Variants in LTBR observed in about 807,000 individuals in gnomAD.
LTBR encodes tumor necrosis factor receptor superfamily member 3.
Under a neutral mutation model 45.4 loss-of-function variants are expected in LTBR, and 15 were observed. The ratio of observed to expected loss-of-function variants is 0.33; its 90% CI spans 0.22 to 0.51. The LOEUF (loss-of-function observed/expected upper bound fraction) is 0.51. Ranked by LOEUF, LTBR falls within the 20% of genes least tolerant of loss-of-function variation. LTBR has a pLI of 0.97. For missense variants in LTBR, 450 were observed against 565.5 expected, an observed-to-expected ratio of 0.80 and a Z score of 2.07; for synonymous variants, 228 against 231.0, an observed-to-expected ratio of 0.99 and a Z score of 0.12.
chr12:6,386,377 T>C lies in LTBR; in HGVS notation c.600T>C (p.Ala200=). ...AGAACCAAGGTCTGGTGGAGGCAGC[T>C]CCAGGCACTGCCCAGTCCGACACAA... ...RCENQGLVEA[A]PGTAQSDTTC... Residue 200 remains alanine (A), a synonymous_variant, in exon 6 of 10, where the codon GCT becomes GCC. Coordinates refer to ENST00000228918, the MANE Select transcript of LTBR (RefSeq NM_002342.3). The surrounding 1 kb of genome is among the most constrained non-coding windows in gnomAD (Gnocchi z 4.1). The C allele has an allele frequency of 1.2e-6, 2 of 1,613,404 alleles. No homozygotes were observed. The highest frequency in any genetic ancestry group is 1.7e-6 in the Non-Finnish European group (2 of 1,179,854).
rs552679804 is a variant in LTBR, at chr12:6,378,302, C to T, written c.39+2708C>T. Among the ~76,000 whole-genome samples the T allele has an allele frequency of 2.0e-5, 3 of 152,156 alleles. No homozygotes were observed. In the South Asian group the frequency reaches 6.2e-4, roughly 32 times the overall value. ...TTTTTGCTTTTATTTTCTTATTTATCTTAGAGACAGGATCATGCACTATCC... is the reference window on the plus strand; with the variant it reads ...TTTTTGCTTTTATTTTCTTATTTATTTTAGAGACAGGATCATGCACTATCC... On this transcript the variant is annotated intron_variant, in intron 1 of 9. Transcript: ENST00000539925.
chr12:6,388,340 C>T lies in LTBR; in HGVS notation c.668-58C>T, dbSNP rs530093569. The T allele has an allele frequency of 3.8e-5, 50 of 1,299,260 alleles. No individual in the cohort carries two copies. The highest frequency in any genetic ancestry group is 5.1e-5 in the Non-Finnish European group (46 of 897,028). The allele number at this position is 1,299,260 out of a possible 1,614,324, so 80.5% of individuals were successfully genotyped here. A position where few individuals can be genotyped will look rare whatever the true frequency, so the allele number is the denominator to read the frequency against. On this transcript the variant is annotated intron_variant, in intron 6 of 9. Transcript: ENST00000228918. This position sits in a 1 kb window ranked among gnomAD's most constrained non-coding sequence, Gnocchi z 4.3. ...GGGATCTGGAAAGCTCTTCCTTCTC[C>T]TCCTCCCCTCTGCCCTTCTTGGGGC...
At chr12:6,381,850 G>A (rs560805527), upstream of LTBR, among the ~76,000 whole-genome samples, 4 of 152,300 alleles carry the variant, frequency 2.6e-5, no homozygotes, top group South Asian at 2.1e-4. Context: ...GCAGGCGCCC[G>A]TAATCCCAGC....
upstream of LTBR, chr12:6,384,026 C>T (rs1247891369): frequency 8.5e-7 from 1 of 1,182,098 alleles, no homozygotes; most frequent in Non-Finnish European, 1.0e-6. Context: ...CCCCGCGGCC[C>T]TCACGTGCTT....
upstream of LTBR, among the ~76,000 whole-genome samples, chr12:6,381,363 GGAGA>G (rs1342854575): frequency 6.6e-6 from 1 of 152,212 alleles, no homozygotes; most frequent in Admixed American, 6.5e-5. Context: ...AAAGCAGAGA[GGAGA>G]GAAATAGCCT....
At chr12:6,384,008 G>C (rs1461725645), upstream of LTBR, 7 of 1,153,508 alleles carry the variant, frequency 6.1e-6, no homozygotes, top group Non-Finnish European at 7.5e-6. Context: ...GGAGGAGGCC[G>C]GTTCCGGCCC....
In LTBR at chr12:6,377,779, C is replaced by T. The variant is rs575417481; in HGVS notation, c.39+2185C>T. On this transcript the variant is annotated intron_variant, in intron 1 of 9. Coordinates refer to the LTBR transcript ENST00000539925. The stretch of plus-strand genomic sequence containing the variant: ...TATTTGCCAGCTCATGCCTGAAATC[C>T]AACCACTAGCTTAAGGCAGCATGGC... The T allele has an allele frequency of 2.9e-4, 194 of 671,688 alleles. No homozygotes were observed. In the African/African-American group the frequency reaches 3.1e-3, roughly 11 times the overall value. 41.6% of individuals were successfully genotyped at this position (671,688 alleles called of 1,614,324 possible). A position where few individuals can be genotyped will look rare whatever the true frequency, so the allele number is the denominator to read the frequency against.
At chr12:6,380,345 G>A (rs556284336), upstream of LTBR, among the ~76,000 whole-genome samples, 22 of 152,316 alleles carry the variant, frequency 1.4e-4, no homozygotes, top group African/African-American at 5.1e-4. Flanking sequence ...AGTCAGCTAA[G>A]AGCAGAGTGG....
upstream of LTBR, among the ~76,000 whole-genome samples, chr12:6,383,588 C>T (rs891813275): frequency 6.6e-6 from 1 of 152,182 alleles, no homozygotes; most frequent in African/African-American, 2.4e-5. Flanking sequence ...GGGCAAGCTG[C>T]ACAGCTCTCA....
upstream of LTBR, among the ~76,000 whole-genome samples, chr12:6,382,082 T>G (rs969304173): frequency 1.2e-4 from 7 of 60,266 alleles, no homozygotes; most frequent in Admixed American, 1.0e-3. Flanking sequence ...AAGATCAGTG[T>G]ACCTTACGGT....
upstream of LTBR, among the ~76,000 whole-genome samples, chr12:6,382,225 A>G (rs1190522615): frequency 2.0e-5 from 3 of 152,326 alleles, no homozygotes; most frequent in African/African-American, 7.2e-5. Flanking sequence ...AATATTTTCA[A>G]ATGAAATGAT....
Position 6,384,346 on chromosome 12 carries a change from C to A in LTBR, c.-13C>A. On this transcript the variant is annotated 5_prime_UTR_variant, in exon 1 of 10. Transcript: ENST00000228918. The stretch of plus-strand genomic sequence containing the variant: ...GGCCCCCACGTTGCTGGCCGCCTGG[C>A]CGAGTGGCCGCCATGCTCCTGCCTT... The A allele has an allele frequency of 6.7e-7, 1 of 1,483,946 alleles. No individual in the cohort carries two copies. The allele number at this position is 1,483,946 out of a possible 1,614,324, so 91.9% of individuals were successfully genotyped here.
At chr12:6,385,928 C>G in intron 4 of LTBR, 138 bp from the exon 5 acceptor site, 1 of 569,428 alleles carries the variant, frequency 1.8e-6, no homozygotes, top group Non-Finnish European at 3.1e-6. Context: ...AAAAAGGCAG[C>G]AAAGCAGAGC....
upstream of LTBR, among the ~76,000 whole-genome samples, chr12:6,383,173 A>G (rs887342614): frequency 1.3e-5 from 2 of 152,166 alleles, no homozygotes; most frequent in African/African-American, 4.8e-5. Flanking sequence ...GTTGCCTTCC[A>G]GAGCCTCAGT....
At chr12:6,379,619 A>T (rs1948958400), upstream of LTBR, among the ~76,000 whole-genome samples, 1 of 152,170 alleles carries the variant, frequency 6.6e-6, no homozygotes, top group Non-Finnish European at 1.5e-5. Flanking sequence ...GTCCCCTGGC[A>T]GTTTACTTAG....
chr12:6,380,529 C>T (rs557824712), upstream of LTBR, among the ~76,000 whole-genome samples: 1 of 152,036 alleles, frequency 6.6e-6, no homozygotes, highest in African/African-American at 2.4e-5. Flanking sequence ...ACTAAAAATA[C>T]AAAAATTAGC....
chr12:6,387,830 C>G (rs1949066456), intron 6 of LTBR: 1 of 454,940 alleles, frequency 2.2e-6, no homozygotes, highest in Non-Finnish European at 4.4e-6. Context: ...GGAGAACTTG[C>G]AAGCCCTGCT....
rs10849447 is a variant in LTBR, at chr12:6,375,543, T to C, written c.-13T>C. ...CGGCCTGGCTGGGGAGCCCGCCCGC[T>C]GGCCGGCCAGGGATGGAAGCGACAG... On this transcript the variant is annotated 5_prime_UTR_variant, in exon 1 of 10. Coordinates refer to the LTBR transcript ENST00000539925. The C allele has an allele frequency of 0.57, 869,885 of 1,533,478 alleles. 256,433 individuals carry two copies. Among genetic ancestry groups the C allele is most frequent in the African/African-American group, 0.91 (66,684 of 73,000 alleles). The allele number at this position is 1,533,478 out of a possible 1,614,324, so 95.0% of individuals were successfully genotyped here. A position where few individuals can be genotyped will look rare whatever the true frequency, so the allele number is the denominator to read the frequency against.
rs745999849 is a variant in LTBR at position 6,385,224 on chromosome 12, C to T, written c.320-3C>T. On this transcript the variant is annotated splice_polypyrimidine_tract_variant and splice_region_variant and intron_variant, in intron 3 of 9. Transcript: ENST00000228918. ...TCCCTGAGCCCTCCCGTCTCCCCGC[C>T]AGTGATGGGCCTCGAGGAGATTGCC... is the stretch of plus-strand genomic sequence containing the variant. 4 of 1,614,052 alleles carry T rather than the reference C, an allele frequency of 2.5e-6. No individual in the cohort carries two copies. The highest frequency in any genetic ancestry group is 3.4e-6 in the Non-Finnish European group (4 of 1,180,046).
Sources: gnomAD v4.1 joint callset for allele counts (sites outside exome capture counted in the v4.1 genomes callset) on GRCh38, gnomAD v4.1.1 for gene constraint, Gnocchi (gnomAD v3.1) non-coding constraint, MANE v1.5 for transcripts, NCBI Gene and HGNC (gene_info 2026-07-23, HGNC 2026-07-21) for gene names.